The following EDIL3 variants were observed in gnomAD, a reference collection of about 807,000 sequenced individuals.
EDIL3 encodes the protein EGF like and discoidin domains 3.
In EDIL3, 37 loss-of-function variants were observed where a neutral mutation model predicts 67.4. That is an observed-to-expected ratio of 0.55 (90% CI 0.42 to 0.72). EDIL3 has a LOEUF of 0.72. EDIL3 is among the 30% of genes least tolerant of loss of function. The pLI, the probability that EDIL3 is intolerant of heterozygous loss-of-function variation, is 0.00. For synonymous variants in EDIL3, 195 were observed against 196.3 expected, an observed-to-expected ratio of 0.99 and a Z score of 0.05; for missense variants, 527 against 586.3, an observed-to-expected ratio of 0.90 and a Z score of 1.04.
intron 1 of EDIL3, among the ~76,000 whole-genome samples, chr5:84,320,661 C>A (rs749900226): frequency 2.8e-4 from 42 of 152,168 alleles, no homozygotes; most frequent in Non-Finnish European, 5.0e-4. Flanking sequence ...ATACTTACTG[C>A]CCCAGAGCAA....
intron 1 of EDIL3, among the ~76,000 whole-genome samples, chr5:84,266,564 A>G (rs1745352701): frequency 6.6e-6 from 1 of 152,172 alleles, no homozygotes; most frequent in South Asian, 2.1e-4. Flanking sequence ...GGGAACTCCT[A>G]TCCCAGGTCC....
chr5:84,254,384 A>G (rs16901009), intron 1 of EDIL3, among the ~76,000 whole-genome samples, 172 bp from the exon 2 acceptor site: 1,923 of 152,268 alleles, frequency 0.013, 48 homozygotes, highest in African/African-American at 0.044. Context: ...TCAAAAAAAA[A>G]TACTATGTAA....
chr5:84,309,380 T>C (rs1746340335), intron 1 of EDIL3, among the ~76,000 whole-genome samples: 1 of 150,382 alleles, frequency 6.6e-6, no homozygotes, highest in Non-Finnish European at 1.5e-5. Flanking sequence ...TTAGGGTACA[T>C]GTGCACAATA....
At chr5:84,276,960 C>T (rs16901026) in intron 1 of EDIL3, among the ~76,000 whole-genome samples, 14,139 of 152,174 alleles carry the variant, frequency 0.093, 729 homozygotes, top group Middle Eastern at 0.17. Context: ...CTACATCAGG[C>T]ATCTTTTAAC....
At chr5:84,323,654 T>A (rs1024966134) in intron 1 of EDIL3, among the ~76,000 whole-genome samples, 1 of 151,860 alleles carries the variant, frequency 6.6e-6, no homozygotes, top group African/African-American at 2.4e-5. Context: ...ATGTTCCAAC[T>A]AAATGAGATC....
chr5:84,352,515 C>A (rs1418203384), intron 1 of EDIL3, among the ~76,000 whole-genome samples: 7 of 152,034 alleles, frequency 4.6e-5, no homozygotes, highest in Non-Finnish European at 7.4e-5. Context: ...GAGCTCGGGG[C>A]CATTATCCTT....
In EDIL3 at chr5:83,941,827, G is replaced by A. The variant is rs1744228912; in HGVS notation, c.*1592C>T. ...AACTAATTTTGTTCTTATTAAAAAT[G>A]CCAATACAATTGACTTTCTCTTTAA... On this transcript the variant is annotated 3_prime_UTR_variant, in exon 11 of 11. Coordinates refer to ENST00000296591, the MANE Select transcript of EDIL3 (RefSeq NM_005711.5). The A allele has an allele frequency of 6.6e-6, 1 of 151,924 alleles. No homozygotes were observed. The highest frequency in any genetic ancestry group is 2.4e-5 in the African/African-American group (1 of 41,428). 9.4% of individuals were successfully genotyped at this position (151,924 alleles called of 1,614,324 possible).
At chr5:84,266,814 A>G (rs1046689156) in intron 1 of EDIL3, among the ~76,000 whole-genome samples, 4 of 152,170 alleles carry the variant, frequency 2.6e-5, no homozygotes, top group African/African-American at 9.7e-5. Flanking sequence ...CCCAAATTTC[A>G]TATACCCTTG....
intron 2 of EDIL3, among the ~76,000 whole-genome samples, chr5:84,248,937 T>C (rs1034934444): frequency 3.9e-5 from 6 of 152,130 alleles, no homozygotes; most frequent in Non-Finnish European, 2.9e-5. Flanking sequence ...CCTGCTGTAT[T>C]TTGCTGTAAT....
intron 1 of EDIL3, among the ~76,000 whole-genome samples, chr5:84,268,921 A>T (rs961695571): frequency 1.3e-5 from 2 of 152,072 alleles, no homozygotes; most frequent in Non-Finnish European, 2.9e-5. Context: ...TAGTCCACAA[A>T]TCTTTGTCCG....
intron 9 of EDIL3, among the ~76,000 whole-genome samples, chr5:83,966,258 A>G (rs1283070174): frequency 6.6e-6 from 1 of 152,088 alleles, no homozygotes; most frequent in Non-Finnish European, 1.5e-5. Flanking sequence ...CACTGCATGC[A>G]CTTCATGTCT....
chr5:84,062,857 C>T (rs1190036980), intron 8 of EDIL3, among the ~76,000 whole-genome samples: 1 of 152,032 alleles, frequency 6.6e-6, no homozygotes, highest in East Asian at 1.9e-4. Flanking sequence ...ACTTCTTATC[C>T]ATATGATTTC....
Position 84,080,799 on chromosome 5 carries a change from C to T in EDIL3, c.652-14193G>A, listed in dbSNP as rs530983567. On this transcript the variant is annotated intron_variant, in intron 6 of 10. Coordinates refer to ENST00000296591, the MANE Select transcript of EDIL3 (RefSeq NM_005711.5). ...GAAGTATCAATTATAAATTTCTTGA[C>T]GTAGTTTATCTAAGAAACATAGTAT... 3.9e-5 allele frequency among the ~76,000 whole-genome samples: 6 copies of T among 152,118 alleles called. No homozygotes were observed. In the East Asian group the frequency reaches 1.2e-3, roughly 29 times the overall value.
chr5:84,082,947 G>A (rs4703574), intron 6 of EDIL3, among the ~76,000 whole-genome samples: 50,616 of 151,860 alleles, frequency 0.33, 8,585 homozygotes, highest in East Asian at 0.45. Context: ...TCAATATTCC[G>A]TAATCTCTTA....
At chr5:84,341,657 C>A (rs979133665) in intron 1 of EDIL3, among the ~76,000 whole-genome samples, 4 of 151,964 alleles carry the variant, frequency 2.6e-5, no homozygotes, top group Admixed American at 6.6e-5. Context: ...TGTTGATGAA[C>A]AGAGCAAATT....
intron 5 of EDIL3, among the ~76,000 whole-genome samples, chr5:84,109,516 ACAAAACAAAAAAG>A (rs1195929202): frequency 1.3e-5 from 2 of 152,096 alleles, no homozygotes; most frequent in Admixed American, 6.6e-5. Flanking sequence ...AAAAAACAAA[ACAAAACAAAAAAG>A]CAAAACAAAA....
chr5:84,002,266 A>G (rs959377804), intron 9 of EDIL3, among the ~76,000 whole-genome samples: 1 of 152,102 alleles, frequency 6.6e-6, no homozygotes, highest in Non-Finnish European at 1.5e-5. Context: ...AACTGGGGAT[A>G]GAAGGAACAT....
intron 3 of EDIL3, among the ~76,000 whole-genome samples, chr5:84,192,300 A>G (rs117650130): frequency 6.6e-6 from 1 of 152,072 alleles, no homozygotes; most frequent in East Asian, 1.9e-4. Context: ...GTTAGCTCCT[A>G]CAGCCTGTTA....
At chr5:84,240,316 C>T (rs1744771155) in intron 2 of EDIL3, among the ~76,000 whole-genome samples, 1 of 152,088 alleles carries the variant, frequency 6.6e-6, no homozygotes, top group Non-Finnish European at 1.5e-5. Flanking sequence ...TATGATTACA[C>T]ACTTGAATAA....
Sources: allele counts gnomAD v4.1 joint callset (sites outside exome capture counted in the v4.1 genomes callset), GRCh38; gene constraint gnomAD v4.1.1; transcripts MANE v1.5; gene names NCBI Gene and HGNC (gene_info 2026-07-23, HGNC 2026-07-21).